The following IGDCC4 variants were observed in gnomAD, a reference collection of about 807,000 sequenced individuals.
The protein encoded by IGDCC4 is immunoglobulin superfamily DCC subclass member 4.
IGDCC4 carries 72 observed loss-of-function variants against 116.6 expected under a neutral mutation model. That is an observed-to-expected ratio of 0.62 (90% CI 0.51 to 0.75). The LOEUF is 0.75. Ranked by LOEUF, IGDCC4 falls within the 30% of genes least tolerant of loss-of-function variation. The pLI is 0.00. For synonymous variants in IGDCC4, 709 were observed against 719.9 expected (o/e 0.98, Z 0.24); for missense variants, 1,501 against 1,662.4 (o/e 0.90, Z 1.69).
intron 5 of IGDCC4, among the ~76,000 whole-genome samples, chr15:65,398,428 G>A (rs1004884860): frequency 3.3e-5 from 5 of 150,868 alleles, no homozygotes; most frequent in African/African-American, 1.2e-4. Context: ...CAGCTACTCG[G>A]GAAGCTGAGA....
chr15:65,395,708 G>A (rs1450572620), intron 7 of IGDCC4, 42 bp downstream of exon 7: 2 of 1,398,602 alleles, frequency 1.4e-6, no homozygotes, highest in Non-Finnish European at 1.9e-6. Context: ...GCTGCGCCCC[G>A]CCCGGGCCTG....
chr15:65,391,065 T>C (rs2091509486), intron 12 of IGDCC4, among the ~76,000 whole-genome samples: 1 of 152,074 alleles, frequency 6.6e-6, no homozygotes, highest in Non-Finnish European at 1.5e-5. Context: ...AAACCCCGTC[T>C]CTACTAAAAA....
chr15:65,409,807 C>CG (rs1186137502), intron 3 of IGDCC4, among the ~76,000 whole-genome samples: 1 of 152,166 alleles, frequency 6.6e-6, no homozygotes, highest in African/African-American at 2.4e-5. Context: ...CCAGCAGCCT[C>CG]GGGGAGCCCT....
chr15:65,420,033 A>T (rs1436689456), intron 1 of IGDCC4, among the ~76,000 whole-genome samples: 2 of 149,612 alleles, frequency 1.3e-5, no homozygotes, highest in Non-Finnish European at 3.0e-5. Context: ...TGCAACCTTC[A>T]CCTCCCAGGT....
Position 65,405,234 on chromosome 15 carries a change from G to A in IGDCC4, c.564-2747C>T, listed in dbSNP as rs372321026. Among the ~76,000 whole-genome samples, 141 of 151,392 alleles carry A rather than the reference G, an allele frequency of 9.3e-4. 1 individual carries two copies. In the South Asian group the frequency reaches 0.025, roughly 27 times the overall value. On this transcript the variant is annotated intron_variant, in intron 3 of 19. Coordinates refer to ENST00000352385, the MANE Select transcript of IGDCC4 (RefSeq NM_020962.3). ...CATAGAAAAAGCCACAGGTGGCAAA[G>A]CTCGTGTGGTTTATGGGGGTTTTCT...
chr15:65,390,004 C>CCCCT (rs2091497778), intron 13 of IGDCC4, 151 bp downstream of exon 13: 1 of 648,752 alleles, frequency 1.5e-6, no homozygotes, highest in Non-Finnish European at 2.5e-6. Context: ...CCCTGTGCAG[C>CCCCT]CCCTCTGTGT....
intron 3 of IGDCC4, among the ~76,000 whole-genome samples, chr15:65,403,498 T>C (rs2063009854): frequency 1.3e-5 from 2 of 152,180 alleles, no homozygotes; most frequent in South Asian, 4.1e-4. Flanking sequence ...AAATACTCTT[T>C]ATTCACACTA....
chr15:65,408,259 A>G (rs745421322), intron 3 of IGDCC4, among the ~76,000 whole-genome samples: 1 of 152,182 alleles, frequency 6.6e-6, no homozygotes, highest in Non-Finnish European at 1.5e-5. Context: ...GACTTTCAAC[A>G]TGGGGAGATT....
chr15:65,384,544 A>C lies in IGDCC4; in HGVS notation c.3343-125T>G. ...AGTAAGTATCACATGGGAGTCGGTG[A>C]AGGATACACAGGAACTGTTCGAACC... On this transcript the variant is annotated intron_variant, in intron 19 of 19. Coordinates refer to ENST00000352385, the MANE Select transcript of IGDCC4 (RefSeq NM_020962.3). The surrounding 1 kb of genome is among the most constrained non-coding windows in gnomAD (Gnocchi z 4.9). 2.1e-6 allele frequency: 2 copies of C among 945,010 alleles called. No individual in the cohort carries two copies. The highest frequency in any genetic ancestry group is 3.1e-6 in the Non-Finnish European group (2 of 648,362). The allele number at this position is 945,010 out of a possible 1,614,324, so 58.5% of individuals were successfully genotyped here.
intron 1 of IGDCC4, among the ~76,000 whole-genome samples, chr15:65,417,803 T>C (rs1217615769): frequency 6.6e-6 from 1 of 152,102 alleles, no homozygotes; most frequent in African/African-American, 2.4e-5. Context: ...ACCATGTTGG[T>C]CAGGGTGGTC....
intron 9 of IGDCC4, 131 bp downstream of exon 9, chr15:65,394,279 TC>T: frequency 7.0e-7 from 1 of 1,425,872 alleles, no homozygotes; most frequent in Non-Finnish European, 9.5e-7. Context: ...TTTTTCAGGT[TC>T]ACCCTTCCCC....
chr15:65,417,915 T>C (rs2063159094), intron 1 of IGDCC4, among the ~76,000 whole-genome samples: 1 of 152,158 alleles, frequency 6.6e-6, no homozygotes, highest in Non-Finnish European at 1.5e-5. Context: ...GGTTTTTGAC[T>C]TGCCTTTCTC....
chr15:65,407,166 C>A (rs1157436550), intron 3 of IGDCC4, among the ~76,000 whole-genome samples: 1 of 151,774 alleles, frequency 6.6e-6, no homozygotes, highest in Non-Finnish European at 1.5e-5. Context: ...ATCCTCCAAT[C>A]CCTCATTTAA....
intron 1 of IGDCC4, among the ~76,000 whole-genome samples, chr15:65,412,337 C>T (rs1017859879): frequency 1.3e-5 from 2 of 151,706 alleles, no homozygotes; most frequent in African/African-American, 4.8e-5. Flanking sequence ...CATGGTGAAA[C>T]CCCGTCTCTA....
chr15:65,386,564 G>C lies in IGDCC4; in HGVS notation c.2938C>G (p.Arg980Gly). 1 of 1,604,334 alleles carries C rather than the reference G, an allele frequency of 6.2e-7. No homozygotes were observed. The highest frequency in any genetic ancestry group is 1.1e-5 in the South Asian group (1 of 89,222). ...TCCCCTGCTCACCTGTGGGGGCTGC[G>C]GCGCAGGCCAGCACACATGCAGGCC... ...LLACMCAGLRRSPHRESLPGL... is the reference protein window; with the variant it reads ...LLACMCAGLRGSPHRESLPGL... Residue 980 changes from arginine (R) to glycine (G), a missense_variant, in exon 17 of 20, where the codon CGC (arginine) becomes GGC (glycine). Physicochemically the swap from Arg to Gly is moderately radical, Grantham distance 125. Coordinates refer to ENST00000352385, the MANE Select transcript of IGDCC4 (RefSeq NM_020962.3).
chr15:65,388,783 G>C (rs748065941), intron 15 of IGDCC4, 25 bp downstream of exon 15: 8 of 1,613,740 alleles, frequency 5.0e-6, no homozygotes, highest in Non-Finnish European at 5.9e-6. Context: ...CTCTTGAGCA[G>C]ATGCCCTGGG....
At chr15:65,407,828 G>A (rs947133732) in intron 3 of IGDCC4, among the ~76,000 whole-genome samples, 2 of 149,748 alleles carry the variant, frequency 1.3e-5, no homozygotes, top group African/African-American at 4.9e-5. Context: ...TAGAGATAGG[G>A]TTTCACCATG....
At position 65,410,279 on chromosome 15, in the gene IGDCC4, C is replaced by A. The variant is rs367852453; in HGVS notation, c.462G>T (p.Val154=). The A allele has an allele frequency of 1.3e-4, 206 of 1,613,946 alleles. No homozygotes were observed. The highest frequency in any genetic ancestry group is 1.7e-4 in the Non-Finnish European group (198 of 1,180,042). The part of the protein sequence containing the change: ...DFSLHPESQT[V]EENGTARFEC... The stretch of plus-strand genomic sequence containing the variant: ...CAAAGCGAGCTGTCCCGTTCTCCTC[C>A]ACCGTCTGAGACTCCGGGTGCAGAG... The change falls in exon 3 of 20, where the codon GTG becomes GTT. Residue 154 remains valine (V), a synonymous_variant. Transcript: ENST00000352385.
rs775441049 is a variant in IGDCC4, at chr15:65,392,120, C to A, written c.2122+14G>T. 1 of 1,566,594 alleles carries A rather than the reference C, an allele frequency of 6.4e-7. No individual in the cohort carries two copies. Among genetic ancestry groups the A allele is most frequent in the Admixed American group, 1.8e-5 (1 of 55,742 alleles). On this transcript the variant is annotated intron_variant, in intron 11 of 19. Transcript: ENST00000352385. ...GCTACATCCCTCCCTCCCCCTCCCCCCAGCCCTCCTCACCTAGCTGGGTCA... is the reference window on the plus strand; with the variant it reads ...GCTACATCCCTCCCTCCCCCTCCCCACAGCCCTCCTCACCTAGCTGGGTCA...
Sources: allele counts gnomAD v4.1 joint callset (sites outside exome capture counted in the v4.1 genomes callset), GRCh38; gene constraint gnomAD v4.1.1; non-coding constraint Gnocchi (gnomAD v3.1); transcripts MANE v1.5; gene names NCBI Gene and HGNC (gene_info 2026-07-23, HGNC 2026-07-21).